The following ASTE1 variants were observed in gnomAD, a reference collection of about 807,000 sequenced individuals.
ASTE1 encodes the protein single-strand DNA endonuclease ASTE1.
In ASTE1, 49 loss-of-function variants were observed where a neutral mutation model predicts 45.8. That is an observed-to-expected ratio of 1.07 (90% CI 0.85 to 1.36). The LOEUF is 1.36. ASTE1 is among the 40% of genes most tolerant of loss of function. The pLI is 0.00. For missense variants in ASTE1, 709 were observed against 804.0 expected, an observed-to-expected ratio of 0.88 and a Z score of 1.43; for synonymous variants, 296 against 303.9, an observed-to-expected ratio of 0.97 and a Z score of 0.27.
At chr3:131,019,611 A>G (rs1004694215) in intron 3 of ASTE1, among the ~76,000 whole-genome samples, 5 of 152,358 alleles carry the variant, frequency 3.3e-5, no homozygotes, top group East Asian at 3.9e-4. Context: ...GGGGGACTTT[A>G]TAATCAAACT....
chr3:131,024,226 G>C lies in ASTE1; in HGVS notation c.1081C>G (p.Gln361Glu), dbSNP rs756232518. The change falls in exon 3 of 6, where the codon CAG (glutamine) becomes GAG (glutamate). Residue 361 changes from glutamine (Q) to glutamate (E), a missense_variant. Physicochemically the swap from Gln to Glu is conservative, Grantham distance 29. Transcript: ENST00000264992. ...GATATTCTGTGGGCATTTGGTTGCT[G>C]CATGTTTTCCACCTGTGTGGGAAGA... is the stretch of plus-strand genomic sequence containing the variant. ...TILPTQVENM[Q>E]QPNAHRISQP... The C allele has an allele frequency of 6.2e-7, 1 of 1,614,200 alleles. No individual in the cohort carries two copies. Among genetic ancestry groups the C allele is most frequent in the Non-Finnish European group, 8.5e-7 (1 of 1,180,024 alleles).
At chr3:131,019,730 A>G (rs1422901669) in intron 3 of ASTE1, among the ~76,000 whole-genome samples, 1 of 152,222 alleles carries the variant, frequency 6.6e-6, no homozygotes, top group Admixed American at 6.5e-5. Context: ...TGTAACATCT[A>G]GTTAGTAGAA....
intron 4 of ASTE1, 22 bp downstream of exon 4, chr3:131,018,484 C>A: frequency 1.7e-5 from 27 of 1,604,114 alleles, no homozygotes; most frequent in Non-Finnish European, 2.3e-5. Flanking sequence ...ACAATATACT[C>A]CTGTAATTTC....
In ASTE1 at chr3:131,014,337, G is replaced by C. The variant is rs775014772; in HGVS notation, c.1760C>G (p.Ser587Trp). 1.2e-6 allele frequency: 2 copies of C among 1,612,254 alleles called. No homozygotes were observed. The highest frequency in any genetic ancestry group is 8.5e-7 in the Non-Finnish European group (1 of 1,179,514). ...GCTCAGGAGACTTTCTACAGAGGTC[G>C]ATGCTAGCAGTTGCTGGCATAGTCC... ...VHGLCQQLLA[S>W]TSVESLLSIC... The change falls in exon 6 of 6, where the codon TCG (serine) becomes TGG (tryptophan). Residue 587 changes from serine (S) to tryptophan (W), a missense_variant. Physicochemically the swap from Ser to Trp is radical, Grantham distance 177 (BLOSUM62 -3). Coordinates refer to ENST00000264992, the MANE Select transcript of ASTE1 (RefSeq NM_014065.4).
chr3:131,014,532 TC>T, intron 5 of ASTE1, 145 bp from the exon 6 acceptor site: 8 of 845,936 alleles, frequency 9.5e-6, no homozygotes, highest in South Asian at 2.1e-5. Context: ...TTAAGAATAA[TC>T]TGTTCTTTGA....
At chr3:131,021,058 C>T (rs2063735801) in intron 3 of ASTE1, among the ~76,000 whole-genome samples, 1 of 152,118 alleles carries the variant, frequency 6.6e-6, no homozygotes, top group African/African-American at 2.4e-5. Flanking sequence ...GTGGAGTAGG[C>T]AGTTTCCTAA....
chr3:131,021,840 G>A (rs2063746230), intron 3 of ASTE1, among the ~76,000 whole-genome samples: 1 of 152,086 alleles, frequency 6.6e-6, no homozygotes, highest in Non-Finnish European at 1.5e-5. Context: ...TCTCAGTAAA[G>A]CCATTACATT....
At chr3:131,014,450 C>G in intron 5 of ASTE1, 63 bp from the exon 6 acceptor site, 1 of 1,452,596 alleles carries the variant, frequency 6.9e-7, no homozygotes, top group South Asian at 1.4e-5. Context: ...GGATAACTAC[C>G]ATTGACATAG....
Position 131,024,209 on chromosome 3 carries a change from G to C in ASTE1, c.1098C>G (p.His366Gln), listed in dbSNP as rs566435245. ...QVENMQQPNA[H>Q]RISQPIRQII... ...TTTGCCTGATGGGCTGAGATATTCT[G>C]TGGGCATTTGGTTGCTGCATGTTTT... The change falls in exon 3 of 6, where the codon CAC (histidine) becomes CAG (glutamine). Residue 366 changes from histidine to glutamine, a missense_variant. His to Gln is a conservative substitution (Grantham distance 24). Transcript: ENST00000264992. 3 of 1,614,208 alleles carry C rather than the reference G, an allele frequency of 1.9e-6. No individual in the cohort carries two copies. In the Admixed American group the frequency reaches 5.0e-5, roughly 27 times the overall value.
chr3:131,016,302 C>T lies in ASTE1; in HGVS notation c.1551G>A (p.Leu517=). 6.2e-7 allele frequency: 1 copy of T among 1,614,132 alleles called. No homozygotes were observed. Among genetic ancestry groups the T allele is most frequent in the Non-Finnish European group, 8.5e-7 (1 of 1,180,008 alleles). The change falls in exon 5 of 6, where the codon TTG becomes TTA. Residue 517 remains leucine, a synonymous_variant. Transcript: ENST00000264992. ...EELQEDGAKM[L]YAEFQRVKAQ... Reference sequence around the variant, plus strand: ...CCTTCACTCTTTGGAACTCTGCATACAACATCTTAGCACCATCTTCCTGCA... The same window carrying T: ...CCTTCACTCTTTGGAACTCTGCATATAACATCTTAGCACCATCTTCCTGCA...
intron 5 of ASTE1, chr3:131,015,925 A>G: frequency 1.4e-6 from 1 of 691,774 alleles, no homozygotes; most frequent in South Asian, 1.6e-5. Flanking sequence ...ATTGGATTGA[A>G]TCATGGAAAC....
chr3:131,025,551 C>T lies in ASTE1; in HGVS notation c.-103G>A. The T allele has an allele frequency of 1.8e-6, 1 of 565,890 alleles. No homozygotes were observed. Among genetic ancestry groups the T allele is most frequent in the Admixed American group, 3.7e-5 (1 of 26,750 alleles). 35.1% of individuals were successfully genotyped at this position (565,890 alleles called of 1,614,324 possible). On this transcript the variant is annotated 5_prime_UTR_variant, in exon 2 of 6. The change abolishes an upstream ATG in the 5' untranslated region. Transcript: ENST00000264992. ...ATACAAGGCACAAATTCAATGGTTT[C>T]ATGGGTTGTAATCTTTGGATGGTGA...
intron 4 of ASTE1, chr3:131,016,916 C>T: frequency 9.5e-7 from 1 of 1,054,670 alleles, no homozygotes; most frequent in Non-Finnish European, 1.3e-6. Flanking sequence ...CTGTAAGTTT[C>T]TACAGATTTG....
At chr3:131,016,518 G>A in intron 4 of ASTE1, 179 bp from the exon 5 acceptor site, 1 of 707,274 alleles carries the variant, frequency 1.4e-6, no homozygotes, top group South Asian at 2.0e-5. Context: ...ATACTGAACT[G>A]TCTTTTTAAT....
rs772911228 is a variant in ASTE1, at chr3:131,013,881, A to C, written c.*176T>G. 8 of 528,408 alleles carry C rather than the reference A, an allele frequency of 1.5e-5. No homozygotes were observed. Among genetic ancestry groups the C allele is most frequent in the Non-Finnish European group, 2.3e-5 (7 of 305,016 alleles). 32.7% of individuals were successfully genotyped at this position (528,408 alleles called of 1,614,324 possible). ...TATTTAGAAATACAGAAGCTTCTTA[A>C]ATCAGGTTGTATTTATTAAAAACAA... On this transcript the variant is annotated 3_prime_UTR_variant, in exon 6 of 6. Transcript: ENST00000264992.
In ASTE1 at chr3:131,014,123, GT is replaced by G; in HGVS notation, c.1973del (p.Asn658ThrfsTer7). On this transcript the variant is annotated frameshift_variant, in exon 6 of 6. Transcript: ENST00000264992. LOFTEE classifies it low-confidence loss of function (END_TRUNC). ...CAACCATTAACAACCCAAACCGGTTGTTTCCCTCATACCAACACTTGGTGTG... is the reference window on the plus strand; with the variant it reads ...CAACCATTAACAACCCAAACCGGTTGTTCCCTCATACCAACACTTGGTGTG... ...TAHTKCWYEG[N>X]NRFGLLMVEN... 3 of 1,611,738 alleles carry G rather than the reference GT, an allele frequency of 1.9e-6. No individual in the cohort carries two copies. Among genetic ancestry groups the G allele is most frequent in the Non-Finnish European group, 2.5e-6 (3 of 1,179,558 alleles).
chr3:131,022,505 A>G (rs1309459941), intron 3 of ASTE1, among the ~76,000 whole-genome samples: 2 of 141,840 alleles, frequency 1.4e-5, no homozygotes, highest in East Asian at 2.0e-4. Flanking sequence ...TTTTTTTTTT[A>G]GTAGAGACAG....
intron 5 of ASTE1, 50 bp from the exon 6 acceptor site, chr3:131,014,437 A>G (rs773753475): frequency 9.3e-6 from 14 of 1,502,700 alleles, no homozygotes; most frequent in Non-Finnish European, 1.2e-5. Context: ...ATTCAGTGCA[A>G]CAGGATAACT....
rs1482323075 is a variant in ASTE1 at position 131,014,301 on chromosome 3, T to C, written c.1796A>G (p.Glu599Gly). ...SVESLLSICPEAKQLYEYLFN... is the reference protein window; with the variant it reads ...SVESLLSICPGAKQLYEYLFN... ...TAGATATTCATAAAGTTGCTTAGCC[T>C]CAGGACATATGCTCAGGAGACTTTC... is the stretch of plus-strand genomic sequence containing the variant. The change falls in exon 6 of 6, where the codon GAG becomes GGG. Residue 599 changes from glutamate to glycine, a missense_variant. Glu to Gly is a moderately conservative substitution (Grantham distance 98). Transcript: ENST00000264992. 4 of 1,613,974 alleles carry C rather than the reference T, an allele frequency of 2.5e-6. No individual in the cohort carries two copies. The highest frequency in any genetic ancestry group is 3.4e-6 in the Non-Finnish European group (4 of 1,180,000).
Sources: gnomAD v4.1 joint callset for allele counts (sites outside exome capture counted in the v4.1 genomes callset) on GRCh38, gnomAD v4.1.1 for gene constraint, MANE v1.5 for transcripts, NCBI Gene and HGNC (gene_info 2026-07-23, HGNC 2026-07-21) for gene names.